FARS2: variants seen among roughly 807,000 people sequenced by gnomAD.
FARS2 encodes phenylalanine--tRNA ligase, mitochondrial.
A neutral mutation model predicts 46.4 loss-of-function variants in FARS2; 40 were observed. The ratio of observed to expected loss-of-function variants is 0.86; its 90% CI spans 0.67 to 1.12. FARS2 has a LOEUF of 1.12. FARS2 is among the 50% of genes most tolerant of loss of function. The probability of loss-of-function intolerance (pLI) is 0.00; values close to 1 mark genes in which losing one functional copy is unlikely to be tolerated. For synonymous variants in FARS2, 234 were observed against 214.9 expected (o/e 1.09, Z -0.78); for missense variants, 513 against 567.9 (o/e 0.90, Z 0.98).
chr6:5,566,274 A>G (rs989723249), intron 5 of FARS2, among the ~76,000 whole-genome samples: 1 of 152,172 alleles, frequency 6.6e-6, no homozygotes, highest in Non-Finnish European at 1.5e-5. Flanking sequence ...GGTCAAGAGC[A>G]TGCTTCTCTG....
chr6:5,447,117 T>C (rs1428514170), intron 4 of FARS2, among the ~76,000 whole-genome samples: 1 of 152,166 alleles, frequency 6.6e-6, no homozygotes, highest in African/African-American at 2.4e-5. Flanking sequence ...AGATTGATAT[T>C]TGGGTATCTG....
At chr6:5,472,048 G>A (rs538442194) in intron 4 of FARS2, among the ~76,000 whole-genome samples, 1 of 152,126 alleles carries the variant, frequency 6.6e-6, no homozygotes, top group Non-Finnish European at 1.5e-5. Flanking sequence ...CTTTTTCAAA[G>A]AATAGATTGA....
intron 3 of FARS2, among the ~76,000 whole-genome samples, chr6:5,421,380 C>G (rs1015509244): frequency 6.6e-6 from 1 of 152,214 alleles, no homozygotes; most frequent in African/African-American, 2.4e-5. Context: ...AGGGCTGCCA[C>G]AAAGACCTCT....
the FARS2 span, among the ~76,000 whole-genome samples, chr6:5,252,406 T>C: frequency 6.6e-6 from 1 of 152,204 alleles, no homozygotes; most frequent in East Asian, 1.9e-4. Context: ...GGATTTTACC[T>C]AGCATTTAAC....
At chr6:5,405,447 A>G (rs1022681758) in intron 3 of FARS2, among the ~76,000 whole-genome samples, 3 of 142,130 alleles carry the variant, frequency 2.1e-5, no homozygotes, top group African/African-American at 5.3e-5. Context: ...TTATGTTATC[A>G]TTACATGAGG....
chr6:5,662,405 C>G (rs958750943), intron 6 of FARS2, among the ~76,000 whole-genome samples: 1 of 152,198 alleles, frequency 6.6e-6, no homozygotes, highest in African/African-American at 2.4e-5. Flanking sequence ...ATATGTTAAA[C>G]TCACTAAAAC....
chr6:5,461,757 T>G (rs999255592), intron 4 of FARS2, among the ~76,000 whole-genome samples: 2 of 152,262 alleles, frequency 1.3e-5, no homozygotes, highest in African/African-American at 4.8e-5. Context: ...TATTAGCATG[T>G]CTCAGTAGTT....
intron 4 of FARS2, among the ~76,000 whole-genome samples, chr6:5,438,263 TG>T (rs1763651709): frequency 9.2e-6 from 1 of 108,966 alleles, no homozygotes; most frequent in Non-Finnish European, 1.7e-5. Flanking sequence ...CCCCCATTTT[TG>T]TTTTTCAGCC....
chr6:5,409,841 C>G (rs1761830607), intron 3 of FARS2, among the ~76,000 whole-genome samples: 1 of 152,156 alleles, frequency 6.6e-6, no homozygotes, highest in Non-Finnish European at 1.5e-5. Flanking sequence ...CTTGCCATGC[C>G]CTGGTGTGTT....
intron 4 of FARS2, among the ~76,000 whole-genome samples, chr6:5,480,931 G>T (rs920471184): frequency 6.6e-6 from 1 of 152,222 alleles, no homozygotes; most frequent in African/African-American, 2.4e-5. Context: ...GTATGAGTGT[G>T]TGTATGTGCA....
intron 5 of FARS2, among the ~76,000 whole-genome samples, chr6:5,589,448 G>T (rs1773796278): frequency 6.6e-6 from 1 of 152,212 alleles, no homozygotes; most frequent in African/African-American, 2.4e-5. Flanking sequence ...GTTTGTCTTT[G>T]GCAGTAATCT....
chr6:5,672,328 G>A (rs559971201), intron 6 of FARS2, among the ~76,000 whole-genome samples: 27 of 152,266 alleles, frequency 1.8e-4, no homozygotes, highest in South Asian at 4.2e-4. Flanking sequence ...CGTCCTGGCC[G>A]TTCAGTCCCA....
At chr6:5,417,274 T>C (rs1455885148) in intron 3 of FARS2, among the ~76,000 whole-genome samples, 1 of 152,144 alleles carries the variant, frequency 6.6e-6, no homozygotes, top group African/African-American at 2.4e-5. Flanking sequence ...TGGAGTGCAA[T>C]GGCGTGATCA....
In FARS2 at chr6:5,368,608, A is replaced by G. The variant is rs750384202; in HGVS notation, c.38A>G (p.Tyr13Cys). 5.0e-6 allele frequency: 8 copies of G among 1,613,772 alleles called. No individual in the cohort carries two copies. In the South Asian group the frequency reaches 6.6e-5, roughly 13 times the overall value. Residue 13 changes from tyrosine to cysteine, a missense_variant, in exon 2 of 7, where the codon TAT (tyrosine) becomes TGT (cysteine). By Grantham distance (194) the Tyr-to-Cys change is radical. Coordinates refer to ENST00000274680, the MANE Select transcript of FARS2 (RefSeq NM_006567.5). Reference protein sequence around the residue: ...GSALRRGAHAYVYLVSKASHI... With the variant: ...GSALRRGAHACVYLVSKASHI... ...GCTCTCAGGAGAGGTGCCCATGCAT[A>G]TGTCTACCTGGTGAGTAAGGCCAGT...
intron 3 of FARS2, among the ~76,000 whole-genome samples, chr6:5,410,983 C>T (rs1447502395): frequency 2.6e-5 from 4 of 152,080 alleles, no homozygotes; most frequent in East Asian, 3.8e-4. Context: ...TGAGGCAGTT[C>T]GAGCCCACAG....
chr6:5,552,309 G>A (rs534262485), intron 5 of FARS2, among the ~76,000 whole-genome samples: 1 of 152,294 alleles, frequency 6.6e-6, no homozygotes, highest in Non-Finnish European at 1.5e-5. Flanking sequence ...TCAGAGGTGG[G>A]GCGAGAAAAT....
At chr6:5,598,219 T>C (rs1477232397) in intron 5 of FARS2, among the ~76,000 whole-genome samples, 1 of 151,900 alleles carries the variant, frequency 6.6e-6, no homozygotes, top group Admixed American at 6.6e-5. Flanking sequence ...AGACCCCGTC[T>C]CTGCAAAAAA....
At chr6:5,356,677 A>C (rs1349155373) in intron 1 of FARS2, among the ~76,000 whole-genome samples, 2 of 151,692 alleles carry the variant, frequency 1.3e-5, no homozygotes, top group Non-Finnish European at 2.9e-5. Flanking sequence ...AGAAACACAC[A>C]TAAGACAATA....
At chr6:5,296,341 CT>C (rs1366523660) in intron 1 of FARS2, among the ~76,000 whole-genome samples, 1 of 151,944 alleles carries the variant, frequency 6.6e-6, no homozygotes, top group African/African-American at 2.4e-5. Context: ...TGGGGTTTCA[CT>C]GTGTTAGCCA....
Sources: allele counts gnomAD v4.1 joint callset (sites outside exome capture counted in the v4.1 genomes callset), GRCh38; gene constraint gnomAD v4.1.1; transcripts MANE v1.5; gene names NCBI Gene and HGNC (gene_info 2026-07-23, HGNC 2026-07-21).